SVIL: variants seen among roughly 807,000 people sequenced by gnomAD.
SVIL encodes archvillin.
SVIL carries 101 observed loss-of-function variants against 240.4 expected under a neutral mutation model. The observed-to-expected ratio is 0.42, with a 90% CI of 0.36 to 0.50. The LOEUF is 0.50. Among genes scored for constraint, SVIL ranks in the 20% least tolerant of loss-of-function variants. SVIL has a pLI of 0.01. For synonymous variants in SVIL, 999 were observed against 1,100.0 expected, an observed-to-expected ratio of 0.91 and a Z score of 1.82; for missense variants, 2,512 against 2,818.7, an observed-to-expected ratio of 0.89 and a Z score of 2.46.
At chr10:29,698,955 G>A (rs1354917237) in intron 1 of SVIL, among the ~76,000 whole-genome samples, 5 of 152,122 alleles carry the variant, frequency 3.3e-5, no homozygotes, top group African/African-American at 7.2e-5. Flanking sequence ...AGGAGCCGGC[G>A]GGCTGCATAA....
At chr10:29,492,232 T>G (rs1174269207) in intron 21 of SVIL, among the ~76,000 whole-genome samples, 1 of 152,056 alleles carries the variant, frequency 6.6e-6, no homozygotes, top group African/African-American at 2.4e-5. Context: ...GTGACTGGTT[T>G]AGGGATGGAC....
intron 1 of SVIL, among the ~76,000 whole-genome samples, chr10:29,691,510 C>T (rs186999747): frequency 5.6e-4 from 86 of 152,254 alleles, no homozygotes; most frequent in African/African-American, 2.0e-3. Flanking sequence ...CGCGCCCAGC[C>T]CCAATAATGA....
At chr10:29,556,078 C>T (rs74129714) in intron 3 of SVIL, among the ~76,000 whole-genome samples, 8,537 of 152,260 alleles carry the variant, frequency 0.056, 296 homozygotes, top group Admixed American at 0.12. Context: ...ACAGAACAAA[C>T]GCTGTGCTGA....
At chr10:29,714,214 G>T (rs891303745) in intron 1 of SVIL, among the ~76,000 whole-genome samples, 2 of 152,134 alleles carry the variant, frequency 1.3e-5, no homozygotes, top group Admixed American at 1.3e-4. Flanking sequence ...CATTTAGATG[G>T]CCCCATAACA....
intron 1 of SVIL, among the ~76,000 whole-genome samples, chr10:29,608,252 C>T (rs1247423): frequency 0.11 from 16,969 of 152,284 alleles, 1,069 homozygotes; most frequent in Admixed American, 0.15. Context: ...TTGGCAATTA[C>T]CTCTGCTGCA....
chr10:29,666,079 G>A (rs907278513), intron 2 of SVIL, among the ~76,000 whole-genome samples: 1 of 152,136 alleles, frequency 6.6e-6, no homozygotes, highest in Non-Finnish European at 1.5e-5. Context: ...CATCATGCCT[G>A]GCTAATTTTT....
chr10:29,657,214 TCA>T (rs1447445294), intron 3 of SVIL, among the ~76,000 whole-genome samples: 1 of 152,184 alleles, frequency 6.6e-6, no homozygotes, highest in Non-Finnish European at 1.5e-5. Context: ...ACTGTCAACC[TCA>T]GTTTTTGCTG....
chr10:29,735,577 C>G lies in SVIL; in HGVS notation c.-400+174G>C, dbSNP rs959081357. 1.3e-5 allele frequency among the ~76,000 whole-genome samples: 2 copies of G among 150,984 alleles called. No individual in the cohort carries two copies. Among genetic ancestry groups the G allele is most frequent in the African/African-American group, 4.9e-5 (2 of 41,210 alleles). ...CAGCGGCCCGGGCACCCGCCGGCCT[C>G]CACCCCCGGGAGGCGCCCCCGTTCC... On this transcript the variant is annotated intron_variant, in intron 1 of 35. Coordinates refer to the SVIL transcript ENST00000375400. The surrounding 1 kb of genome is among the most constrained non-coding windows in gnomAD (Gnocchi z 4.1).
chr10:29,674,079 A>G (rs1960017051), intron 2 of SVIL, among the ~76,000 whole-genome samples: 1 of 152,096 alleles, frequency 6.6e-6, no homozygotes, highest in African/African-American at 2.4e-5. Context: ...ACCTGTAATG[A>G]GAGCATTTTG....
intron 2 of SVIL, among the ~76,000 whole-genome samples, chr10:29,658,409 A>G (rs982923047): frequency 6.6e-6 from 1 of 152,260 alleles, no homozygotes; most frequent in African/African-American, 2.4e-5. Flanking sequence ...TATAAGCAAG[A>G]ATCATTTTTG....
At chr10:29,553,431 A>G (rs1355902842) in intron 5 of SVIL, among the ~76,000 whole-genome samples, 1 of 152,086 alleles carries the variant, frequency 6.6e-6, no homozygotes, top group Non-Finnish European at 1.5e-5. Context: ...ATACAAAAAA[A>G]TTAGCCCGGT....
At chr10:29,602,845 G>C (rs556033990) in intron 1 of SVIL, among the ~76,000 whole-genome samples, 40 of 152,244 alleles carry the variant, frequency 2.6e-4, no homozygotes, top group African/African-American at 9.6e-4. Context: ...AATCAGCCAG[G>C]CGTGGTGGCA....
At chr10:29,460,561 G>GTT (rs1386165013) in intron 36 of SVIL, among the ~76,000 whole-genome samples, 1 of 152,172 alleles carries the variant, frequency 6.6e-6, no homozygotes, top group East Asian at 1.9e-4. Flanking sequence ...ATTCGAGAAA[G>GTT]TTATATTTGT....
chr10:29,670,604 C>T (rs1206639656), intron 2 of SVIL, among the ~76,000 whole-genome samples: 1 of 152,156 alleles, frequency 6.6e-6, no homozygotes, highest in Non-Finnish European at 1.5e-5. Flanking sequence ...AAGCATTTAT[C>T]GGCTTTATAG....
intron 22 of SVIL, among the ~76,000 whole-genome samples, chr10:29,489,733 A>G (rs916289278): frequency 2.6e-5 from 4 of 151,934 alleles, no homozygotes; most frequent in African/African-American, 9.7e-5. Flanking sequence ...TTTTTTGTAG[A>G]GATGAAGTCT....
At chr10:29,658,940 G>A (rs567137335) in intron 2 of SVIL, among the ~76,000 whole-genome samples, 7 of 152,302 alleles carry the variant, frequency 4.6e-5, no homozygotes, top group African/African-American at 1.2e-4. Context: ...ATAACTCACC[G>A]AAGGCATCAG....
intron 21 of SVIL, among the ~76,000 whole-genome samples, chr10:29,491,228 G>A (rs570685865): frequency 0.012 from 1,871 of 152,172 alleles, 22 homozygotes; most frequent in Non-Finnish European, 0.016. Flanking sequence ...AGCCACACCC[G>A]GATGCCCCCA....
At chr10:29,561,384 G>A (rs1278728933) in intron 3 of SVIL, among the ~76,000 whole-genome samples, 1 of 152,086 alleles carries the variant, frequency 6.6e-6, no homozygotes, top group Non-Finnish European at 1.5e-5. Context: ...AATATTGTCT[G>A]CGGTATTATG....
chr10:29,485,115 A>G (rs528737303), intron 26 of SVIL, among the ~76,000 whole-genome samples: 1 of 151,906 alleles, frequency 6.6e-6, no homozygotes, highest in Admixed American at 6.6e-5. Context: ...GATTCACAAG[A>G]GTTCTTTAGG....
Sources: gnomAD v4.1 joint callset for allele counts (sites outside exome capture counted in the v4.1 genomes callset) on GRCh38, gnomAD v4.1.1 for gene constraint, Gnocchi (gnomAD v3.1) non-coding constraint, MANE v1.5 for transcripts, NCBI Gene and HGNC (gene_info 2026-07-23, HGNC 2026-07-21) for gene names.